The following POLN variants were observed in gnomAD, a reference collection of about 807,000 sequenced individuals.
The protein encoded by POLN is DNA polymerase nu.
Under a neutral mutation model 113.5 loss-of-function variants are expected in POLN, and 108 were observed. The ratio of observed to expected loss-of-function variants is 0.95; its 90% confidence interval spans 0.81 to 1.12. The LOEUF is 1.12. POLN is among the 50% of genes most tolerant of loss of function. POLN has a pLI of 0.00. For missense variants in POLN, 1,097 were observed against 1,077.1 expected, an observed-to-expected ratio of 1.02 and a Z score of -0.26; for synonymous variants, 386 against 391.5, an observed-to-expected ratio of 0.99 and a Z score of 0.17.
intron 19 of POLN, among the ~76,000 whole-genome samples, chr4:2,123,310 C>A (rs147582381): frequency 4.0e-5 from 6 of 151,460 alleles, no homozygotes; most frequent in East Asian, 2.0e-4. Context: ...GCCAACATGG[C>A]GAAACCTCAT....
chr4:2,098,431 A>C (rs1443797758), intron 19 of POLN, among the ~76,000 whole-genome samples: 1 of 152,200 alleles, frequency 6.6e-6, no homozygotes, highest in African/African-American at 2.4e-5. Context: ...TGAATAAACA[A>C]CTACATGACA....
At chr4:2,213,926 G>C (rs1734052469) in intron 3 of POLN, among the ~76,000 whole-genome samples, 1 of 152,134 alleles carries the variant, frequency 6.6e-6, no homozygotes, top group African/African-American at 2.4e-5. Context: ...TAATTTCAAA[G>C]TACGAAAAGA....
chr4:2,094,020 G>C (rs1356389245), intron 20 of POLN, among the ~76,000 whole-genome samples: 7 of 152,134 alleles, frequency 4.6e-5, no homozygotes, highest in Non-Finnish European at 1.0e-4. Flanking sequence ...ATGTGGCAAG[G>C]AGCTGAGACC....
intron 16 of POLN, among the ~76,000 whole-genome samples, chr4:2,140,521 T>C (rs539518753): frequency 1.3e-4 from 20 of 152,290 alleles, no homozygotes; most frequent in South Asian, 8.3e-4. Flanking sequence ...CCAAGGTGAA[T>C]GGATCACTTG....
intron 4 of POLN, among the ~76,000 whole-genome samples, chr4:2,210,627 TAATA>T (rs1733969171): frequency 9.1e-6 from 1 of 110,100 alleles, no homozygotes; most frequent in African/African-American, 4.4e-5. Context: ...ATAATAATAA[TAATA>T]AAAAAAAGAG....
At chr4:2,215,383 A>C (rs947444074) in intron 3 of POLN, among the ~76,000 whole-genome samples, 2 of 152,136 alleles carry the variant, frequency 1.3e-5, no homozygotes, top group Non-Finnish European at 2.9e-5. Context: ...CTCTGTGATG[A>C]AGGTTTGCAT....
At position 2,167,280 on chromosome 4, in the gene POLN, G is replaced by A. The variant is rs1194586516; in HGVS notation, c.1554+3399C>T. Among the ~76,000 whole-genome samples, 6 of 152,116 alleles carry A rather than the reference G, an allele frequency of 3.9e-5. No individual in the cohort carries two copies. In the East Asian group the frequency reaches 1.2e-3, roughly 29 times the overall value. On this transcript the variant is annotated intron_variant, in intron 13 of 25. Coordinates refer to ENST00000511885, the MANE Select transcript of POLN (RefSeq NM_181808.4). ...TCCAGGAATCCTGACCCCAAGGCTG[G>A]ACCATCTTCCCAGAGTTTGAACTCC...
intron 3 of POLN, among the ~76,000 whole-genome samples, chr4:2,221,104 T>C (rs980794053): frequency 2.0e-5 from 3 of 152,104 alleles, no homozygotes; most frequent in African/African-American, 7.2e-5. Context: ...GTCTCAGAGG[T>C]ATCTGATACT....
chr4:2,157,963 T>C (rs747245856), intron 14 of POLN, 52 bp from the exon 15 acceptor site: 21 of 1,449,080 alleles, frequency 1.4e-5, no homozygotes, highest in Non-Finnish European at 1.9e-5. Context: ...AAGTCTTTTT[T>C]TGTGGGGGGA....
At chr4:2,194,204 T>C (rs1733521309) in intron 6 of POLN, among the ~76,000 whole-genome samples, 1 of 152,200 alleles carries the variant, frequency 6.6e-6, no homozygotes, top group African/African-American at 2.4e-5. Context: ...TGCTGGGATC[T>C]GAGACCATAT....
intron 25 of POLN, 76 bp from the exon 26 acceptor site, chr4:2,072,375 G>A: frequency 7.7e-7 from 1 of 1,292,628 alleles, no homozygotes; most frequent in South Asian, 1.5e-5. Flanking sequence ...CCAAGCAGGG[G>A]GACAGGGCCT....
At chr4:2,111,844 C>T (rs1156674079) in intron 19 of POLN, among the ~76,000 whole-genome samples, 1 of 152,170 alleles carries the variant, frequency 6.6e-6, no homozygotes, top group African/African-American at 2.4e-5. Context: ...CAATGCCATC[C>T]CCATCAAGCT....
intron 19 of POLN, among the ~76,000 whole-genome samples, chr4:2,117,697 T>C (rs1181852845): frequency 6.6e-6 from 1 of 152,124 alleles, no homozygotes; most frequent in Non-Finnish European, 1.5e-5. Flanking sequence ...TGGGTAGGTG[T>C]TGAGGGAGGT....
intron 7 of POLN, among the ~76,000 whole-genome samples, chr4:2,188,955 A>G (rs936182497): frequency 2.0e-5 from 3 of 151,924 alleles, no homozygotes; most frequent in Non-Finnish European, 4.4e-5. Context: ...TTGTAAATAA[A>G]GATAAGTTGT....
At chr4:2,198,834 A>G (rs901967549) in intron 5 of POLN, 117 bp from the exon 6 acceptor site, 23 of 1,025,102 alleles carry the variant, frequency 2.2e-5, no homozygotes, top group Non-Finnish European at 3.0e-5. Context: ...CTTGTAAATG[A>G]ATAGTTTTTT....
intron 2 of POLN, among the ~76,000 whole-genome samples, chr4:2,237,754 A>T (rs1734818095): frequency 6.6e-6 from 1 of 152,244 alleles, no homozygotes; most frequent in Non-Finnish European, 1.5e-5. Flanking sequence ...AAATAAATGT[A>T]AAATTTAAAC....
intron 4 of POLN, among the ~76,000 whole-genome samples, chr4:2,211,288 A>ATAT (rs1733988354): frequency 6.8e-6 from 1 of 147,140 alleles, no homozygotes; most frequent in Non-Finnish European, 1.5e-5. Flanking sequence ...AATAATAATA[A>ATAT]TAATAATAAT....
At chr4:2,077,614 G>A (rs1333596674) in intron 23 of POLN, among the ~76,000 whole-genome samples, 2 of 152,228 alleles carry the variant, frequency 1.3e-5, no homozygotes, top group Non-Finnish European at 2.9e-5. Flanking sequence ...TCTCCCAAGA[G>A]GACTTACTTT....
intron 3 of POLN, among the ~76,000 whole-genome samples, chr4:2,224,689 G>A (rs1395487954): frequency 6.6e-6 from 1 of 152,148 alleles, no homozygotes; most frequent in Non-Finnish European, 1.5e-5. Flanking sequence ...GGTGGCTCAT[G>A]CCTGTAATCT....
Sources: gnomAD v4.1 joint callset for allele counts (sites outside exome capture counted in the v4.1 genomes callset) on GRCh38, gnomAD v4.1.1 for gene constraint, MANE v1.5 for transcripts, NCBI Gene and HGNC (gene_info 2026-07-23, HGNC 2026-07-21) for gene names.